GALNTL6: variants seen among roughly 807,000 people sequenced by gnomAD.
GALNTL6 encodes the protein polypeptide N-acetylgalactosaminyltransferase like 6.
GALNTL6 carries 46 observed loss-of-function variants against 73.7 expected under a neutral mutation model. That is an observed-to-expected ratio of 0.62 (90% CI 0.49 to 0.80). The LOEUF (loss-of-function observed/expected upper bound fraction) is 0.80, where lower values mean the gene tolerates loss of function less well. Among genes scored for constraint, GALNTL6 ranks in the 30% least tolerant of loss-of-function variants. The pLI is 0.00. For missense variants in GALNTL6, 604 were observed against 755.0 expected (o/e 0.80, Z 2.34); for synonymous variants, 259 against 263.7 (o/e 0.98, Z 0.17).
chr4:171,923,383 G>C (rs951204520), intron 2 of GALNTL6, among the ~76,000 whole-genome samples: 1 of 145,644 alleles, frequency 6.9e-6, no homozygotes, highest in Admixed American at 6.8e-5. Flanking sequence ...CTGGATTTCT[G>C]TTGACCCTGA....
chr4:172,201,470 G>A (rs1735951809), intron 2 of GALNTL6, among the ~76,000 whole-genome samples: 1 of 151,116 alleles, frequency 6.6e-6, no homozygotes, highest in African/African-American at 2.4e-5. Context: ...CTTCCAAAGT[G>A]CTGGGATTAC....
At chr4:172,439,527 G>C (rs1250173894) in intron 5 of GALNTL6, among the ~76,000 whole-genome samples, 1 of 151,394 alleles carries the variant, frequency 6.6e-6, no homozygotes, top group African/African-American at 2.4e-5. Context: ...ACTCTCCAAG[G>C]CTCAGTTGTT....
At chr4:172,145,299 C>A (rs1733901426) in intron 2 of GALNTL6, among the ~76,000 whole-genome samples, 1 of 152,044 alleles carries the variant, frequency 6.6e-6, no homozygotes, top group South Asian at 2.1e-4. Context: ...GCCACTACGC[C>A]CAGCTAATTT....
intron 4 of GALNTL6, among the ~76,000 whole-genome samples, chr4:172,332,283 A>G (rs1256706456): frequency 6.6e-6 from 1 of 152,104 alleles, no homozygotes; most frequent in Non-Finnish European, 1.5e-5. Flanking sequence ...ATCTTGCTAC[A>G]TATATATAAG....
intron 2 of GALNTL6, among the ~76,000 whole-genome samples, chr4:172,134,758 A>G (rs961669205): frequency 2.6e-5 from 4 of 152,208 alleles, no homozygotes; most frequent in African/African-American, 9.6e-5. Context: ...TAACACAGTA[A>G]AGTTTATTTC....
chr4:172,606,224 A>T (rs778446231), intron 5 of GALNTL6, among the ~76,000 whole-genome samples: 11 of 152,100 alleles, frequency 7.2e-5, no homozygotes, highest in African/African-American at 1.7e-4. Context: ...AAAAATGATA[A>T]TTTTAGCAAT....
At chr4:172,525,604 T>C (rs879140177) in intron 5 of GALNTL6, among the ~76,000 whole-genome samples, 1 of 152,166 alleles carries the variant, frequency 6.6e-6, no homozygotes, top group Admixed American at 6.5e-5. Flanking sequence ...GACTAACACT[T>C]ACAATCCCAG....
At chr4:172,867,959 G>A (rs60683730) in intron 7 of GALNTL6, among the ~76,000 whole-genome samples, 3,751 of 152,308 alleles carry the variant, frequency 0.025, 142 homozygotes, top group African/African-American at 0.084. Context: ...AATAAGAGGA[G>A]AGTCCTCTCT....
At chr4:172,849,490 GAA>G (rs1178081171) in intron 7 of GALNTL6, among the ~76,000 whole-genome samples, 1 of 152,156 alleles carries the variant, frequency 6.6e-6, no homozygotes, top group Non-Finnish European at 1.5e-5. Context: ...AATGTTGAAT[GAA>G]TGAATGAATG....
At chr4:171,941,766 A>C (rs1738551075) in intron 2 of GALNTL6, among the ~76,000 whole-genome samples, 1 of 152,170 alleles carries the variant, frequency 6.6e-6, no homozygotes, top group African/African-American at 2.4e-5. Flanking sequence ...GAACTGGCAG[A>C]ATTTTTTTCA....
chr4:172,037,222 C>T (rs1174514877), intron 2 of GALNTL6, among the ~76,000 whole-genome samples: 3 of 152,118 alleles, frequency 2.0e-5, no homozygotes, highest in African/African-American at 7.2e-5. Flanking sequence ...AGTTTATCTT[C>T]TCTGTGTTTA....
intron 6 of GALNTL6, among the ~76,000 whole-genome samples, chr4:172,810,624 C>T (rs1741241134): frequency 6.6e-6 from 1 of 152,148 alleles, no homozygotes; most frequent in Admixed American, 6.5e-5. Flanking sequence ...TCAATTGAAA[C>T]TGTGTAGGAT....
intron 5 of GALNTL6, among the ~76,000 whole-genome samples, chr4:172,551,808 C>CTGTATTTGATGTTGTATGAGGATGT (rs1735964144): frequency 6.6e-6 from 1 of 152,018 alleles, no homozygotes; most frequent in Non-Finnish European, 1.5e-5. Flanking sequence ...TTTCAAATAC[C>CTGTATTTGATGTTGTATGAGGATGT]TGTATGAGGA....
chr4:172,630,907 T>C (rs1451391682), intron 5 of GALNTL6, among the ~76,000 whole-genome samples: 3 of 151,416 alleles, frequency 2.0e-5, no homozygotes, highest in Non-Finnish European at 4.4e-5. Flanking sequence ...AGTAAGTATG[T>C]AAAAGAAAAT....
chr4:172,583,183 A>G (rs979839522), intron 5 of GALNTL6, among the ~76,000 whole-genome samples: 1 of 151,688 alleles, frequency 6.6e-6, no homozygotes, highest in African/African-American at 2.4e-5. Flanking sequence ...CACTTCCTGT[A>G]AAGAAAACAT....
At chr4:171,974,473 C>T (rs1280619754) in intron 2 of GALNTL6, among the ~76,000 whole-genome samples, 1 of 152,096 alleles carries the variant, frequency 6.6e-6, no homozygotes, top group Admixed American at 6.6e-5. Flanking sequence ...TTCTTTGTAG[C>T]ATAAACACAA....
intron 2 of GALNTL6, among the ~76,000 whole-genome samples, chr4:172,151,744 G>C (rs1252890784): frequency 6.6e-6 from 1 of 151,932 alleles, no homozygotes; most frequent in African/African-American, 2.4e-5. Flanking sequence ...AATAGGTCTG[G>C]GCAGAGTCTG....
intron 7 of GALNTL6, among the ~76,000 whole-genome samples, chr4:172,874,958 A>G (rs767847039): frequency 1.3e-5 from 2 of 152,240 alleles, no homozygotes; most frequent in Non-Finnish European, 2.9e-5. Flanking sequence ...GGGGACTAGC[A>G]GCAGGGTCTG....
chr4:172,575,438 A>G (rs888295191), intron 5 of GALNTL6, among the ~76,000 whole-genome samples: 2 of 152,302 alleles, frequency 1.3e-5, no homozygotes, highest in East Asian at 1.9e-4. Context: ...TGGTTATTCA[A>G]TACAGCCCTA....
Sources: allele counts gnomAD v4.1 joint callset (sites outside exome capture counted in the v4.1 genomes callset), GRCh38; gene constraint gnomAD v4.1.1; transcripts MANE v1.5; gene names NCBI Gene and HGNC (gene_info 2026-07-23, HGNC 2026-07-21).